Variants in SUPT16H observed in about 807,000 individuals in gnomAD.
SUPT16H encodes the protein SPT16 homolog, facilitates chromatin remodeling subunit, also known as FACT complex subunit SPT16.
A neutral mutation model predicts 136.2 loss-of-function variants in SUPT16H; 24 were observed. That is an observed-to-expected ratio of 0.18 (90% CI 0.13 to 0.25). SUPT16H has a LOEUF of 0.25. Among genes scored for constraint, SUPT16H ranks in the 10% least tolerant of loss-of-function variants. SUPT16H has a pLI of 1.00. For missense variants in SUPT16H, 623 were observed against 1,270.2 expected (o/e 0.49, Z 7.74); for synonymous variants, 415 against 428.2 (o/e 0.97, Z 0.38).
intron 1 of SUPT16H, among the ~76,000 whole-genome samples, chr14:21,375,867 A>T (rs1443827552): frequency 6.6e-6 from 1 of 152,232 alleles, no homozygotes; most frequent in Non-Finnish European, 1.5e-5. Context: ...TGCTAGGATC[A>T]CAGGTGTGAG....
Position 21,352,399 on chromosome 14 carries a change from G to C in SUPT16H, c.*274C>G, listed in dbSNP as rs1315405998. 4.7e-6 allele frequency: 2 copies of C among 428,656 alleles called. No individual in the cohort carries two copies. The highest frequency in any genetic ancestry group is 4.4e-5 in the East Asian group (1 of 22,786). 26.6% of individuals were successfully genotyped at this position (428,656 alleles called of 1,614,324 possible). A position where few individuals can be genotyped will look rare whatever the true frequency, so the allele number is the denominator to read the frequency against. On this transcript the variant is annotated 3_prime_UTR_variant, in exon 26 of 26. Coordinates refer to ENST00000216297, the MANE Select transcript of SUPT16H (RefSeq NM_007192.4). ...GTCTTGGCAGAAGGTGACAGGAAGA[G>C]AGAAGAATGAAACAATATTTATTAA...
chr14:21,359,616 G>A lies in SUPT16H; in HGVS notation c.2176-7C>T. 2 of 1,612,188 alleles carry A rather than the reference G, an allele frequency of 1.2e-6. No individual in the cohort carries two copies. The highest frequency in any genetic ancestry group is 1.7e-6 in the Non-Finnish European group (2 of 1,179,234). On this transcript the variant is annotated splice_polypyrimidine_tract_variant and splice_region_variant and intron_variant, in intron 18 of 25. Transcript: ENST00000216297. The stretch of plus-strand genomic sequence containing the variant: ...TCCCAAACATGATGGCATTCTGTCG[G>A]CATAAAACAGAAAGAACACAGAAGT...
At chr14:21,366,079 A>G (rs1594303690) in intron 8 of SUPT16H, among the ~76,000 whole-genome samples, 1 of 152,216 alleles carries the variant, frequency 6.6e-6, no homozygotes, top group African/African-American at 2.4e-5. Flanking sequence ...TCCAGCCTGG[A>G]CAGAGTGAGA....
At chr14:21,376,080 T>C (rs984371669) in intron 1 of SUPT16H, among the ~76,000 whole-genome samples, 3 of 152,264 alleles carry the variant, frequency 2.0e-5, no homozygotes, top group Non-Finnish European at 4.4e-5. Flanking sequence ...TTCTTTTACA[T>C]TGAATATCTA....
At chr14:21,363,000 T>C in intron 13 of SUPT16H, 34 bp downstream of exon 13, 4 of 1,613,896 alleles carry the variant, frequency 2.5e-6, no homozygotes, top group East Asian at 2.2e-5. Flanking sequence ...CACAGAACCC[T>C]CAGATGATCT....
At chr14:21,375,019 T>C (rs1361663896) in intron 1 of SUPT16H, among the ~76,000 whole-genome samples, 1 of 152,118 alleles carries the variant, frequency 6.6e-6, no homozygotes, top group Admixed American at 6.6e-5. Context: ...TATCCTGCTT[T>C]TTTTTTTCTT....
At chr14:21,374,177 T>G (rs1375822374) in intron 1 of SUPT16H, among the ~76,000 whole-genome samples, 1 of 152,236 alleles carries the variant, frequency 6.6e-6, no homozygotes, top group Admixed American at 6.5e-5. Flanking sequence ...TAGAGAGATG[T>G]AACCCCAGGG....
chr14:21,383,553 C>G (rs889956957), intron 1 of SUPT16H: 2 of 675,068 alleles, frequency 3.0e-6, no homozygotes, highest in African/African-American at 3.6e-5. Flanking sequence ...AAGACGTGAC[C>G]ACGGAGTAGG....
chr14:21,383,989 C>T lies in SUPT16H; in HGVS notation c.-62G>A, dbSNP rs28364671. 6.3e-7 allele frequency: 1 copy of T among 1,596,548 alleles called. No homozygotes were observed. The highest frequency in any genetic ancestry group is 1.7e-5 in the Admixed American group (1 of 59,964). ...CACGCGAGGTCCCGGCTCAGCCACC[C>T]GCTCTCGGCCCAGGAATCCCGCACT... On this transcript the variant is annotated 5_prime_UTR_variant, in exon 1 of 26. Coordinates refer to ENST00000216297, the MANE Select transcript of SUPT16H (RefSeq NM_007192.4).
chr14:21,361,255 G>A lies in SUPT16H; in HGVS notation c.1794-42C>T, dbSNP rs1297063078. The A allele has an allele frequency of 2.5e-6, 4 of 1,607,080 alleles. No individual in the cohort carries two copies. In the South Asian group the frequency reaches 3.3e-5, roughly 13 times the overall value. On this transcript the variant is annotated intron_variant, in intron 15 of 25. Transcript: ENST00000216297. ...GCATTTATAGACATTTCTTTTTCAGGCCAGGGAAATTGTACTGATTTACTT... is the reference window on the plus strand; with the variant it reads ...GCATTTATAGACATTTCTTTTTCAGACCAGGGAAATTGTACTGATTTACTT...
At chr14:21,372,436 T>G (rs538744159) in intron 2 of SUPT16H, 6 of 312,892 alleles carry the variant, frequency 1.9e-5, no homozygotes, top group Non-Finnish European at 3.7e-5. Flanking sequence ...TACCAATTAT[T>G]CATTTCTCCT....
chr14:21,354,331 A>G, intron 23 of SUPT16H, 80 bp downstream of exon 23: 1 of 1,559,332 alleles, frequency 6.4e-7, no homozygotes, highest in Non-Finnish European at 8.7e-7. Flanking sequence ...TCCCTTATGT[A>G]CTACTCATAT....
intron 22 of SUPT16H, 195 bp from the exon 23 acceptor site, chr14:21,354,735 G>A: frequency 2.0e-6 from 1 of 497,020 alleles, no homozygotes; most frequent in Non-Finnish European, 3.3e-6. Flanking sequence ...GGGATTACAG[G>A]CGCATGCCAC....
chr14:21,378,307 G>C (rs563018794), intron 1 of SUPT16H, among the ~76,000 whole-genome samples: 57 of 151,916 alleles, frequency 3.8e-4, no homozygotes, highest in Admixed American at 6.6e-4. Flanking sequence ...TTTTTTTAAA[G>C]GAGAAAAACT....
At chr14:21,383,830 C>T in intron 1 of SUPT16H, 32 bp downstream of exon 1, 2 of 1,613,324 alleles carry the variant, frequency 1.2e-6, no homozygotes, top group South Asian at 2.2e-5. Context: ...GCTAAGGGGG[C>T]TCCCTAGGAA....
At chr14:21,371,124 G>A (rs1220841037) in intron 3 of SUPT16H, among the ~76,000 whole-genome samples, 2 of 151,830 alleles carry the variant, frequency 1.3e-5, no homozygotes, top group Non-Finnish European at 2.9e-5. Flanking sequence ...TGCTCGCCTC[G>A]GCCTCTCAAA....
chr14:21,358,105 T>C, intron 20 of SUPT16H, 103 bp from the exon 21 acceptor site: 3 of 1,072,868 alleles, frequency 2.8e-6, no homozygotes, highest in Non-Finnish European at 4.2e-6. Flanking sequence ...AGCTCCAGCA[T>C]ACTCACTGGA....
intron 6 of SUPT16H, 98 bp downstream of exon 6, chr14:21,369,106 C>G: frequency 7.1e-7 from 1 of 1,404,136 alleles, no homozygotes; most frequent in Non-Finnish European, 9.6e-7. Flanking sequence ...ATACTTGTAG[C>G]CAAATTTCAG....
intron 7 of SUPT16H, among the ~76,000 whole-genome samples, chr14:21,367,902 T>C (rs1017428793): frequency 6.6e-6 from 1 of 152,212 alleles, no homozygotes; most frequent in Non-Finnish European, 1.5e-5. Context: ...ATGACATTTC[T>C]TTTTTGAGAG....
Sources: allele counts gnomAD v4.1 joint callset (sites outside exome capture counted in the v4.1 genomes callset), GRCh38; gene constraint gnomAD v4.1.1; transcripts MANE v1.5; gene names NCBI Gene and HGNC (gene_info 2026-07-23, HGNC 2026-07-21).